The following ADAMTS2 variants were observed in gnomAD, a reference collection of about 807,000 sequenced individuals.
ADAMTS2 encodes ADAM metallopeptidase with thrombospondin type 1 motif 2, also known as A disintegrin and metalloproteinase with thrombospondin motifs 2.
In ADAMTS2, 50 loss-of-function variants were observed where a neutral mutation model predicts 123.0. That is an observed-to-expected ratio of 0.41 (90% CI 0.32 to 0.51). The LOEUF is 0.51. Ranked by LOEUF, ADAMTS2 falls within the 20% of genes least tolerant of loss-of-function variation. ADAMTS2 has a pLI of 0.35. For missense variants in ADAMTS2, 1,494 were observed against 1,705.2 expected (o/e 0.88, Z 2.18); for synonymous variants, 678 against 695.4 (o/e 0.98, Z 0.39).
At chr5:179,122,049 G>A (rs1762773469) in intron 20 of ADAMTS2, among the ~76,000 whole-genome samples, 1 of 152,098 alleles carries the variant, frequency 6.6e-6, no homozygotes, top group South Asian at 2.1e-4. Context: ...CCGCGCCCCG[G>A]GTTCCACCTG....
At chr5:179,243,622 A>G (rs527432869) in intron 3 of ADAMTS2, among the ~76,000 whole-genome samples, 1 of 152,370 alleles carries the variant, frequency 6.6e-6, no homozygotes, top group East Asian at 1.9e-4. Flanking sequence ...CAAAATGTCC[A>G]GTTTCACACA....
At chr5:179,205,359 G>A (rs1362764124) in intron 4 of ADAMTS2, among the ~76,000 whole-genome samples, 3 of 152,216 alleles carry the variant, frequency 2.0e-5, no homozygotes, top group Admixed American at 6.5e-5. Flanking sequence ...AACTGAAAAC[G>A]TGTTCACCCT....
intron 2 of ADAMTS2, among the ~76,000 whole-genome samples, chr5:179,286,753 C>G (rs1015481180): frequency 6.6e-6 from 1 of 152,160 alleles, no homozygotes; most frequent in East Asian, 1.9e-4. Flanking sequence ...ATAGCAGAAC[C>G]TATTCTCTCA....
intron 2 of ADAMTS2, among the ~76,000 whole-genome samples, chr5:179,291,532 G>C (rs1756190180): frequency 6.6e-6 from 1 of 152,134 alleles, no homozygotes; most frequent in Admixed American, 6.5e-5. Flanking sequence ...GTCTGCAGAG[G>C]GATGGAATGC....
intron 3 of ADAMTS2, among the ~76,000 whole-genome samples, chr5:179,223,424 G>A (rs571603050): frequency 7.4e-6 from 1 of 134,382 alleles, no homozygotes; most frequent in East Asian, 2.5e-4. Flanking sequence ...ATACACACAT[G>A]CACTCACACG....
chr5:179,295,237 G>A (rs186055418), intron 2 of ADAMTS2, among the ~76,000 whole-genome samples: 10 of 152,288 alleles, frequency 6.6e-5, no homozygotes, highest in South Asian at 2.1e-4. Flanking sequence ...CTGGGCTGGC[G>A]GGTCTCTGTT....
chr5:179,328,360 G>A (rs1047988294), intron 2 of ADAMTS2, among the ~76,000 whole-genome samples: 1 of 152,222 alleles, frequency 6.6e-6, no homozygotes, highest in African/African-American at 2.4e-5. Flanking sequence ...GACTTTTTGT[G>A]ATTATCTGTG....
rs1264262766 is a variant in ADAMTS2 at position 179,130,504 on chromosome 5, G to A, written c.2291-406C>T. ...GCTGGACAGGCGAGCACATGACCCT[G>A]CTGGAGTAGGGCTTCCTGCCATGGG... On this transcript the variant is annotated intron_variant, in intron 15 of 21. Transcript: ENST00000251582. The surrounding 1 kb of genome is among the most constrained non-coding windows in gnomAD (Gnocchi z 4.3). 6.6e-6 allele frequency among the ~76,000 whole-genome samples: 1 copy of A among 152,230 alleles called. No individual in the cohort carries two copies. Among genetic ancestry groups the A allele is most frequent in the African/African-American group, 2.4e-5 (1 of 41,458 alleles).
chr5:179,114,102 G>GA lies in ADAMTS2; in HGVS notation c.3400_3401insT (p.Pro1134LeufsTer30). On this transcript the variant is annotated frameshift_variant, in exon 22 of 22. Coordinates refer to ENST00000251582, the MANE Select transcript of ADAMTS2 (RefSeq NM_014244.5). LOFTEE classifies it high-confidence loss of function. The stretch of plus-strand genomic sequence containing the variant: ...GACCTCCAGGGGGGTGCTTGGTGAT[G>GA]GCCGCACCTCCATGGCTACAGTGGG... 1.2e-6 allele frequency: 2 copies of GA among 1,614,060 alleles called. No individual in the cohort carries two copies. Among genetic ancestry groups the GA allele is most frequent in the Non-Finnish European group, 1.7e-6 (2 of 1,179,996 alleles).
At chr5:179,322,549 C>T (rs1269989802) in intron 2 of ADAMTS2, among the ~76,000 whole-genome samples, 1 of 152,228 alleles carries the variant, frequency 6.6e-6, no homozygotes, top group African/African-American at 2.4e-5. Flanking sequence ...ACATCAGACA[C>T]CGGGAGACGC....
chr5:179,159,147 C>T (rs368976187), intron 5 of ADAMTS2, among the ~76,000 whole-genome samples: 21 of 152,230 alleles, frequency 1.4e-4, no homozygotes, highest in African/African-American at 3.1e-4. Flanking sequence ...CCAAGCTCTA[C>T]GTCATCTAAG....
At position 179,251,488 on chromosome 5, in the gene ADAMTS2, C is replaced by T. The variant is rs913346206; in HGVS notation, c.688+21423G>A. 2.6e-5 allele frequency among the ~76,000 whole-genome samples: 4 copies of T among 152,122 alleles called. No homozygotes were observed. In the East Asian group the frequency reaches 7.7e-4, roughly 29 times the overall value. On this transcript the variant is annotated intron_variant, in intron 3 of 21. Transcript: ENST00000251582. ...TGAGAGTCAGAAACCAGCAGCCCCC[C>T]ACCCCACAGAGACAGGTCCCTGCTA...
At chr5:179,268,672 C>A (rs943457256) in intron 3 of ADAMTS2, among the ~76,000 whole-genome samples, 1 of 152,182 alleles carries the variant, frequency 6.6e-6, no homozygotes, top group African/African-American at 2.4e-5. Context: ...GAGACTGGCA[C>A]TTAGACATGC....
intron 5 of ADAMTS2, among the ~76,000 whole-genome samples, chr5:179,164,263 G>T (rs933853979): frequency 1.3e-5 from 2 of 152,248 alleles, no homozygotes; most frequent in Admixed American, 6.5e-5. Context: ...GCATTCAAGG[G>T]CTATGGGGTA....
At chr5:179,325,564 C>T (rs1277746550) in intron 2 of ADAMTS2, among the ~76,000 whole-genome samples, 1 of 152,258 alleles carries the variant, frequency 6.6e-6, no homozygotes, top group African/African-American at 2.4e-5. Context: ...AGCCGAAGTC[C>T]TGCTCCGCTG....
chr5:179,120,381 A>G (rs1189325822), intron 21 of ADAMTS2: 1 of 152,264 alleles, frequency 6.6e-6, no homozygotes, highest in Non-Finnish European at 1.5e-5. Flanking sequence ...CTGATAAACC[A>G]AAGTGCATAT....
chr5:179,122,556 A>T, intron 20 of ADAMTS2, 88 bp downstream of exon 20: 1 of 1,512,052 alleles, frequency 6.6e-7, no homozygotes. Flanking sequence ...CTCCGGGAAG[A>T]GCCAGATTTG....
intron 4 of ADAMTS2, among the ~76,000 whole-genome samples, chr5:179,206,298 A>AT (rs1285438345): frequency 6.6e-6 from 1 of 152,046 alleles, no homozygotes; most frequent in Non-Finnish European, 1.5e-5. Context: ...CCCCTGAGGT[A>AT]TCTTTTCACC....
chr5:179,334,454 G>C (rs1757559178), intron 2 of ADAMTS2, among the ~76,000 whole-genome samples: 1 of 152,206 alleles, frequency 6.6e-6, no homozygotes, highest in South Asian at 2.1e-4. Flanking sequence ...TGATAAAAAT[G>C]GGATCTTAGA....
Sources: gnomAD v4.1 joint callset for allele counts (sites outside exome capture counted in the v4.1 genomes callset) on GRCh38, gnomAD v4.1.1 for gene constraint, Gnocchi (gnomAD v3.1) non-coding constraint, MANE v1.5 for transcripts, NCBI Gene and HGNC (gene_info 2026-07-23, HGNC 2026-07-21) for gene names.